RTN3: variants seen among roughly 807,000 people sequenced by gnomAD.
RTN3 encodes reticulon 3.
In RTN3, 49 loss-of-function variants were observed where a neutral mutation model predicts 77.8. The ratio of observed to expected loss-of-function variants is 0.63; its 90% confidence interval spans 0.50 to 0.80. The LOEUF (loss-of-function observed/expected upper bound fraction) is 0.80. Among genes scored for constraint, RTN3 ranks in the 30% least tolerant of loss-of-function variants. The pLI, the probability that RTN3 is intolerant of heterozygous loss-of-function variation, is 0.00. For missense variants in RTN3, 1,236 were observed against 1,211.9 expected (o/e 1.02, Z -0.29); for synonymous variants, 464 against 446.9 (o/e 1.04, Z -0.48).
chr11:63,728,886 CA>C (rs577443067), intron 3 of RTN3, among the ~76,000 whole-genome samples: 16,376 of 78,448 alleles, frequency 0.21, 740 homozygotes, highest in Middle Eastern at 0.3. Flanking sequence ...GACTCCGTCT[CA>C]AAAAAAAAAA....
chr11:63,720,802 A>T lies in RTN3; in HGVS notation c.2300A>T (p.Glu767Val), dbSNP rs758349107. The T allele has an allele frequency of 2.5e-6, 4 of 1,613,972 alleles. No individual in the cohort carries two copies. In the Admixed American group the frequency reaches 5.0e-5, roughly 20 times the overall value. ...TCAACTTCTGCACAGCGTGACGCAG[A>T]ATTGCCTTCTGAAGAAGTACTGAAG... ...EKSTSAQRDA[E>V]LPSEEVLKQT... The change falls in exon 3 of 9, where the codon GAA (glutamate) becomes GTA (valine). Residue 767 changes from glutamate (E) to valine (V), a missense_variant. By Grantham distance (121) the Glu-to-Val change is moderately radical (BLOSUM62 -2). Transcript: ENST00000377819.
chr11:63,720,690 G>A lies in RTN3; in HGVS notation c.2188G>A (p.Gly730Ser). 1 of 1,614,078 alleles carries A rather than the reference G, an allele frequency of 6.2e-7. No homozygotes were observed. The highest frequency in any genetic ancestry group is 1.6e-4 in the Middle Eastern group (1 of 6,062). Residue 730 changes from glycine to serine, a missense_variant, in exon 3 of 9, where the codon GGT (glycine) becomes AGT (serine). This residue lies in a region of RTN3 where 1,056 missense variants were observed against 990.4 expected (regional missense o/e 1.07). Coordinates refer to ENST00000377819, the MANE Select transcript of RTN3 (RefSeq NM_001265589.2). Reference sequence around the variant, plus strand: ...GCCTCTAGGTGTTTTCCCTACCCAAGGTACTCCAGTAGCATCTCTTGACTT... The same window carrying A: ...GCCTCTAGGTGTTTTCCCTACCCAAAGTACTCCAGTAGCATCTCTTGACTT... ...SEPLGVFPTQ[G>S]TPVASLDLEQ... is the part of the protein sequence containing the mutation.
chr11:63,692,803 GA>G (rs1941734216), intron 1 of RTN3, among the ~76,000 whole-genome samples: 1 of 151,614 alleles, frequency 6.6e-6, no homozygotes, highest in Non-Finnish European at 1.5e-5. Context: ...TGCTTTTATA[GA>G]CCACTTTGGT....
At chr11:63,753,751 A>T (rs1020971884) in intron 7 of RTN3, 43 bp downstream of exon 7, 3 of 1,517,812 alleles carry the variant, frequency 2.0e-6, no homozygotes, top group East Asian at 2.3e-5. Flanking sequence ...CAGTTGATGT[A>T]TGACTAGTTG....
chr11:63,732,949 A>G (rs1035355347), intron 3 of RTN3, among the ~76,000 whole-genome samples: 5 of 152,202 alleles, frequency 3.3e-5, no homozygotes, highest in East Asian at 1.9e-4. Context: ...CAGCAACATA[A>G]TAAGATAATG....
rs932511146 is a variant in RTN3 at position 63,704,168 on chromosome 11, A to G, written c.143-683A>G. ...CAGGCGTGCACTGCCACGCCTGGCTAATTTTTGTATTTTTAGTAGAGACGG... is the reference window on the plus strand; with the variant it reads ...CAGGCGTGCACTGCCACGCCTGGCTGATTTTTGTATTTTTAGTAGAGACGG... On this transcript the variant is annotated intron_variant, in intron 1 of 8. Transcript: ENST00000377819. Among the ~76,000 whole-genome samples the G allele has an allele frequency of 4.0e-5, 6 of 151,410 alleles. 1 individual carries two copies. In the East Asian group the frequency reaches 1.2e-3, roughly 30 times the overall value.
At chr11:63,734,975 T>C (rs2012985855) in intron 3 of RTN3, among the ~76,000 whole-genome samples, 1 of 152,118 alleles carries the variant, frequency 6.6e-6, no homozygotes, top group South Asian at 2.1e-4. Flanking sequence ...AGATATTAGG[T>C]TGATAAACAA....
intron 1 of RTN3, among the ~76,000 whole-genome samples, chr11:63,690,867 C>A (rs932001445): frequency 7.2e-5 from 11 of 152,302 alleles, no homozygotes; most frequent in Admixed American, 5.2e-4. Flanking sequence ...CACATACTCA[C>A]TCTCACTGGC....
chr11:63,698,933 G>A (rs1033663322), intron 1 of RTN3, among the ~76,000 whole-genome samples: 2 of 152,200 alleles, frequency 1.3e-5, no homozygotes, highest in African/African-American at 4.8e-5. Context: ...TGCACTGCCT[G>A]TTCAACAGTT....
intron 1 of RTN3, among the ~76,000 whole-genome samples, chr11:63,693,516 G>T (rs1207938820): frequency 6.6e-6 from 1 of 151,972 alleles, no homozygotes; most frequent in Non-Finnish European, 1.5e-5. Context: ...GTTTTCACAG[G>T]GTTCATGAAC....
chr11:63,743,530 G>T (rs972783227), intron 3 of RTN3, among the ~76,000 whole-genome samples: 1 of 152,106 alleles, frequency 6.6e-6, no homozygotes, highest in Admixed American at 6.6e-5. Flanking sequence ...AGCCAATCCT[G>T]TATTTTTTCA....
intron 8 of RTN3, among the ~76,000 whole-genome samples, chr11:63,757,722 C>CTTT (rs71039672): frequency 1.9e-5 from 2 of 106,350 alleles, no homozygotes; most frequent in African/African-American, 6.4e-5. Flanking sequence ...TTCTTTTTTT[C>CTTT]TTTTTTTTTT....
chr11:63,684,308 C>T (rs982423108), intron 1 of RTN3, among the ~76,000 whole-genome samples: 2 of 151,866 alleles, frequency 1.3e-5, no homozygotes, highest in South Asian at 2.1e-4. Flanking sequence ...CCACCATGCC[C>T]GGCTAATTTT....
chr11:63,703,098 T>C (rs988389499), intron 1 of RTN3, among the ~76,000 whole-genome samples: 4 of 152,088 alleles, frequency 2.6e-5, no homozygotes, highest in Non-Finnish European at 4.4e-5. Flanking sequence ...ACCAAAAATA[T>C]TTTTTTAAAA....
chr11:63,708,328 T>C (rs1240675433), intron 2 of RTN3, among the ~76,000 whole-genome samples: 1 of 152,006 alleles, frequency 6.6e-6, no homozygotes, highest in African/African-American at 2.4e-5. Flanking sequence ...CAATATGTAG[T>C]AATAATAGGA....
intron 3 of RTN3, among the ~76,000 whole-genome samples, chr11:63,725,732 A>G (rs1201353743): frequency 6.6e-6 from 1 of 152,152 alleles, no homozygotes; most frequent in Non-Finnish European, 1.5e-5. Flanking sequence ...AATTACAGGC[A>G]TGAGCCACCG....
intron 3 of RTN3, among the ~76,000 whole-genome samples, chr11:63,729,650 G>C (rs2012551958): frequency 6.6e-6 from 1 of 151,548 alleles, no homozygotes. Flanking sequence ...AGTAGAGACA[G>C]AGTCTCATTA....
chr11:63,692,169 C>T (rs980338270), intron 1 of RTN3, among the ~76,000 whole-genome samples: 3 of 152,008 alleles, frequency 2.0e-5, no homozygotes, highest in East Asian at 1.9e-4. Flanking sequence ...ATTACAGGTG[C>T]GCACCTCCAT....
At chr11:63,722,590 A>G (rs975528329) in intron 3 of RTN3, among the ~76,000 whole-genome samples, 2 of 152,216 alleles carry the variant, frequency 1.3e-5, no homozygotes, top group Non-Finnish European at 2.9e-5. Context: ...ACTAACAATT[A>G]TCAGTGAAAG....
Sources: gnomAD v4.1 joint callset for allele counts (sites outside exome capture counted in the v4.1 genomes callset) on GRCh38, gnomAD v4.1.1 for gene constraint, gnomAD v4.1.1 regional missense constraint, MANE v1.5 for transcripts, NCBI Gene and HGNC (gene_info 2026-07-23, HGNC 2026-07-21) for gene names.